Variants in UBE2K observed in about 807,000 individuals in gnomAD.
The protein encoded by UBE2K is ubiquitin-conjugating enzyme E2 K.
UBE2K carries 6 observed loss-of-function variants against 30.0 expected under a neutral mutation model. That is an observed-to-expected ratio of 0.20 (90% CI 0.11 to 0.39). The LOEUF (loss-of-function observed/expected upper bound fraction) is 0.39, where lower values mean the gene tolerates loss of function less well. UBE2K is among the 10% of genes least tolerant of loss of function. The probability of loss-of-function intolerance (pLI) is 1.00; values close to 1 mark genes in which losing one functional copy is unlikely to be tolerated. For missense variants in UBE2K, 61 were observed against 241.6 expected (o/e 0.25, Z 4.96); for synonymous variants, 86 against 83.7 (o/e 1.03, Z -0.15).
At chr4:39,698,484 G>T in intron 1 of UBE2K, 94 bp downstream of exon 1, 3 of 1,225,660 alleles carry the variant, frequency 2.4e-6, no homozygotes, top group Non-Finnish European at 3.5e-6. Flanking sequence ...TCCCTGGGTG[G>T]TCCTCCTTGC....
chr4:39,715,655 T>G (rs1041870672), intron 1 of UBE2K, among the ~76,000 whole-genome samples: 4 of 152,128 alleles, frequency 2.6e-5, no homozygotes, highest in African/African-American at 9.7e-5. Flanking sequence ...GTATTTTACT[T>G]ATTGTCCTCC....
At chr4:39,771,095 C>T (rs1040004545) in intron 4 of UBE2K, 39 of 1,612,546 alleles carry the variant, frequency 2.4e-5, no homozygotes, top group African/African-American at 1.7e-4. Context: ...TTCTCCACCA[C>T]GTGCTCCATC....
At chr4:39,771,024 G>C (rs946174360) in intron 4 of UBE2K, 68 of 1,611,948 alleles carry the variant, frequency 4.2e-5, no homozygotes, top group Non-Finnish European at 5.6e-5. Flanking sequence ...TAGCCTCACG[G>C]ACCCCATCCT....
At chr4:39,703,675 C>T (rs1472657155) in intron 1 of UBE2K, among the ~76,000 whole-genome samples, 12 of 151,642 alleles carry the variant, frequency 7.9e-5, no homozygotes, top group East Asian at 1.9e-4. Context: ...GATGAAACCC[C>T]GTCTCTACTA....
intron 4 of UBE2K, among the ~76,000 whole-genome samples, chr4:39,769,593 A>G (rs1435722937): frequency 6.7e-6 from 1 of 150,162 alleles, no homozygotes; most frequent in African/African-American, 2.5e-5. Context: ...GGGACTCAAT[A>G]ATCTTTTCCC....
At chr4:39,725,377 C>CAA (rs56021137) in intron 1 of UBE2K, among the ~76,000 whole-genome samples, 76 of 69,292 alleles carry the variant, frequency 1.1e-3, no homozygotes, top group African/African-American at 2.5e-3. Context: ...GACCCTGTCT[C>CAA]AAAAAAAAAA....
At chr4:39,704,655 C>T (rs1391298063) in intron 1 of UBE2K, among the ~76,000 whole-genome samples, 2 of 151,980 alleles carry the variant, frequency 1.3e-5, no homozygotes, top group African/African-American at 2.4e-5. Context: ...ATCCTCCTAC[C>T]TCAGCCTTCC....
chr4:39,775,993 A>G (rs539403533), intron 5 of UBE2K, among the ~76,000 whole-genome samples: 1 of 152,262 alleles, frequency 6.6e-6, no homozygotes, highest in East Asian at 1.9e-4. Context: ...CACTTGGATG[A>G]TCATATCTGT....
chr4:39,702,659 G>T (rs577934048), intron 1 of UBE2K, among the ~76,000 whole-genome samples: 3 of 152,190 alleles, frequency 2.0e-5, no homozygotes, highest in African/African-American at 4.8e-5. Context: ...CATTTAAATA[G>T]ATTTTTGTGT....
intron 2 of UBE2K, among the ~76,000 whole-genome samples, chr4:39,743,344 C>G (rs1205402532): frequency 6.6e-6 from 1 of 152,328 alleles, no homozygotes; most frequent in East Asian, 1.9e-4. Context: ...TGGCTCATGC[C>G]TGTAATCCCA....
At chr4:39,745,863 A>T (rs552813953) in intron 3 of UBE2K, 53 bp downstream of exon 3, 1 of 1,331,074 alleles carries the variant, frequency 7.5e-7, no homozygotes, top group Admixed American at 2.2e-5. Context: ...TATATTTCTG[A>T]CCTCATTTTA....
At chr4:39,709,126 G>A (rs1718536634) in intron 1 of UBE2K, among the ~76,000 whole-genome samples, 1 of 151,970 alleles carries the variant, frequency 6.6e-6, no homozygotes, top group Non-Finnish European at 1.5e-5. Flanking sequence ...CTGTAAAAAT[G>A]TGGGAAGATT....
chr4:39,772,443 T>C (rs28495663), intron 4 of UBE2K, among the ~76,000 whole-genome samples: 46,801 of 149,258 alleles, frequency 0.31, 9,088 homozygotes, highest in African/African-American at 0.56. Flanking sequence ...GGCGTGGTGG[T>C]GTGCACCTGT....
chr4:39,772,146 T>C (rs1343580892), intron 4 of UBE2K, among the ~76,000 whole-genome samples: 1 of 152,072 alleles, frequency 6.6e-6, no homozygotes, highest in African/African-American at 2.4e-5. Flanking sequence ...CTAAATTAAC[T>C]TTTATCGTAG....
At chr4:39,717,630 G>A (rs148369572) in intron 1 of UBE2K, among the ~76,000 whole-genome samples, 1 of 152,312 alleles carries the variant, frequency 6.6e-6, no homozygotes, top group African/African-American at 2.4e-5. Context: ...CAGTGCCTAT[G>A]GGGATAAAGT....
At chr4:39,711,866 C>T (rs1028921310) in intron 1 of UBE2K, among the ~76,000 whole-genome samples, 1 of 151,604 alleles carries the variant, frequency 6.6e-6, no homozygotes, top group African/African-American at 2.4e-5. Flanking sequence ...GGAGAAACCT[C>T]GTCTCTCTAC....
intron 4 of UBE2K, chr4:39,770,317 G>A (rs1712699699): frequency 1.2e-6 from 2 of 1,612,890 alleles, no homozygotes; most frequent in South Asian, 2.2e-5. Flanking sequence ...TTGACACCAC[G>A]ATGCACGTTC....
intron 2 of UBE2K, among the ~76,000 whole-genome samples, chr4:39,739,050 T>C (rs1035958136): frequency 1.4e-5 from 2 of 148,128 alleles, no homozygotes. Flanking sequence ...TTTTTTGAGA[T>C]GGAGTCTCGC....
intron 4 of UBE2K, among the ~76,000 whole-genome samples, chr4:39,766,028 C>T (rs2109394559): frequency 6.6e-6 from 1 of 152,238 alleles, no homozygotes; most frequent in East Asian, 1.9e-4. Flanking sequence ...GTTGCTTCTA[C>T]CTTCTGGCTA....
Sources: allele counts gnomAD v4.1 joint callset (sites outside exome capture counted in the v4.1 genomes callset), GRCh38; gene constraint gnomAD v4.1.1; transcripts MANE v1.5; gene names NCBI Gene and HGNC (gene_info 2026-07-23, HGNC 2026-07-21).